Variants in MEI4 observed in about 807,000 individuals in gnomAD.
MEI4 encodes the protein meiotic double-stranded break formation protein 4.
MEI4 carries 27 observed loss-of-function variants against 31.4 expected under a neutral mutation model. That is an observed-to-expected ratio of 0.86 (90% confidence interval 0.63 to 1.19). The LOEUF (loss-of-function observed/expected upper bound fraction) is 1.19. Ranked by LOEUF, MEI4 falls within the 50% of genes most tolerant of loss-of-function variation. MEI4 has a pLI of 0.00. For missense variants in MEI4, 329 were observed against 398.9 expected (o/e 0.82, Z 1.49); for synonymous variants, 122 against 145.4 (o/e 0.84, Z 1.16).
chr6:77,902,347 C>T (rs1414907516), intron 4 of MEI4, among the ~76,000 whole-genome samples: 2 of 152,104 alleles, frequency 1.3e-5, no homozygotes, highest in Non-Finnish European at 2.9e-5. Flanking sequence ...GAACCACAGG[C>T]ATCTTTCTGT....
intron 2 of MEI4, among the ~76,000 whole-genome samples, chr6:77,743,386 G>T (rs184008185): frequency 8.5e-5 from 13 of 152,222 alleles, no homozygotes; most frequent in African/African-American, 2.6e-4. Context: ...TGAAGCAATT[G>T]TGAATTGGAG....
intron 2 of MEI4, among the ~76,000 whole-genome samples, chr6:77,697,422 C>G (rs933443694): frequency 2.0e-5 from 3 of 152,248 alleles, no homozygotes; most frequent in African/African-American, 7.2e-5. Flanking sequence ...AAATTTCCCT[C>G]TACACACTGC....
At position 77,926,100 on chromosome 6, in the gene MEI4, C is replaced by CTGT. The variant is rs1182648297; in HGVS notation, c.*2756_*2758dup. The CTGT allele has an allele frequency of 1.3e-5, 2 of 151,896 alleles. No individual in the cohort carries two copies. Among genetic ancestry groups the CTGT allele is most frequent in the African/African-American group, 4.8e-5 (2 of 41,390 alleles). 9.4% of individuals were successfully genotyped at this position (151,896 alleles called of 1,614,324 possible). A position where few individuals can be genotyped will look rare whatever the true frequency, so the allele number is the denominator to read the frequency against. On this transcript the variant is annotated 3_prime_UTR_variant, in exon 5 of 5. Coordinates refer to ENST00000684080, the MANE Select transcript of MEI4 (RefSeq NM_001322247.2). ...CCACACTCCTACTTTACTGCACTGCCTGTTATGTGCAGCTCTCCTGGCACT... is the reference window on the plus strand; with the variant it reads ...CCACACTCCTACTTTACTGCACTGCCTGTTGTTATGTGCAGCTCTCCTGGCACT...
At chr6:77,735,241 C>T (rs1433657749) in intron 2 of MEI4, among the ~76,000 whole-genome samples, 24 of 151,998 alleles carry the variant, frequency 1.6e-4, no homozygotes, top group Non-Finnish European at 2.9e-4. Context: ...TCCAACTTGG[C>T]TCCATTCTCC....
intron 4 of MEI4, among the ~76,000 whole-genome samples, chr6:77,898,283 A>T (rs979485469): frequency 6.6e-6 from 1 of 152,018 alleles, no homozygotes; most frequent in Non-Finnish European, 1.5e-5. Context: ...TCTACTAAAT[A>T]AAAAAGGATA....
chr6:77,889,017 C>G (rs1771692345), intron 4 of MEI4, among the ~76,000 whole-genome samples: 1 of 152,184 alleles, frequency 6.6e-6, no homozygotes, highest in Admixed American at 6.5e-5. Flanking sequence ...GAGGCCTCCT[C>G]AGCCCTGTAG....
At chr6:77,659,840 C>G (rs1302876089) in intron 1 of MEI4, among the ~76,000 whole-genome samples, 1 of 151,970 alleles carries the variant, frequency 6.6e-6, no homozygotes, top group East Asian at 1.9e-4. Flanking sequence ...GAAAGATTAC[C>G]CAGGGGAATT....
chr6:77,910,919 C>G lies in MEI4; in HGVS notation c.901-12170C>G, dbSNP rs559434125. Among the ~76,000 whole-genome samples the G allele has an allele frequency of 1.7e-3, 201 of 119,756 alleles. 1 individual carries two copies. The highest frequency in any genetic ancestry group is 5.6e-3 in the African/African-American group (175 of 31,164). The allele number at this position is 119,756 out of a possible 152,430, so 78.6% of individuals were successfully genotyped here. On this transcript the variant is annotated intron_variant, in intron 4 of 4. Coordinates refer to ENST00000684080, the MANE Select transcript of MEI4 (RefSeq NM_001322247.2). The stretch of plus-strand genomic sequence containing the variant: ...TCCTTTTTATCCACATTCTCACCAG[C>G]TTCTGGTTTTTTTTTTTTTTTTTGT...
chr6:77,794,261 A>G (rs993389087), intron 3 of MEI4, among the ~76,000 whole-genome samples: 6 of 152,108 alleles, frequency 3.9e-5, no homozygotes, highest in African/African-American at 1.4e-4. Context: ...ACAGTTGTTA[A>G]CATTTAATAA....
At chr6:77,736,529 C>T (rs892827300) in intron 2 of MEI4, among the ~76,000 whole-genome samples, 2 of 152,118 alleles carry the variant, frequency 1.3e-5, no homozygotes, top group Non-Finnish European at 2.9e-5. Context: ...CCTGCGCCCA[C>T]TGTCTGGCAC....
At chr6:77,915,017 A>G (rs1766513213) in intron 4 of MEI4, among the ~76,000 whole-genome samples, 1 of 151,998 alleles carries the variant, frequency 6.6e-6, no homozygotes, top group Non-Finnish European at 1.5e-5. Flanking sequence ...CAGCTGATCT[A>G]TATCTTTTAA....
intron 3 of MEI4, among the ~76,000 whole-genome samples, chr6:77,818,629 T>A (rs1769743944): frequency 6.6e-6 from 1 of 151,852 alleles, no homozygotes; most frequent in Non-Finnish European, 1.5e-5. Flanking sequence ...AAGTATTCTG[T>A]GTTATTATAT....
intron 3 of MEI4, among the ~76,000 whole-genome samples, chr6:77,828,492 A>G (rs1462052109): frequency 1.3e-5 from 2 of 152,056 alleles, no homozygotes; most frequent in Non-Finnish European, 2.9e-5. Context: ...TCATCTCAAA[A>G]TGATCCACCC....
rs1343221514 is a variant in MEI4 at position 77,733,059 on chromosome 6, G to A, written c.233-28071G>A. On this transcript the variant is annotated intron_variant, in intron 2 of 4. Transcript: ENST00000684080. ...TTTTATTGAGGATTTTTGCATCAAT[G>A]TTCATCAAGGATATTGATCTAAAAT... Among the ~76,000 whole-genome samples, 6 of 152,008 alleles carry A rather than the reference G, an allele frequency of 3.9e-5. No individual in the cohort carries two copies. In the South Asian group the frequency reaches 1.0e-3, roughly 26 times the overall value.
chr6:77,739,071 G>A (rs1767328568), intron 2 of MEI4, among the ~76,000 whole-genome samples: 1 of 152,064 alleles, frequency 6.6e-6, no homozygotes, highest in Non-Finnish European at 1.5e-5. Flanking sequence ...TTGCTGTCCA[G>A]CTCTTTAGTT....
At chr6:77,883,744 AACTTTGTCTTTGTC>A (rs1771556111) in intron 4 of MEI4, among the ~76,000 whole-genome samples, 2 of 124,972 alleles carry the variant, frequency 1.6e-5, no homozygotes, top group Non-Finnish European at 3.2e-5. Flanking sequence ...ATATATATAT[AACTTTGTCTTTGTC>A]TATTCATTTA....
intron 4 of MEI4, among the ~76,000 whole-genome samples, chr6:77,835,007 G>T (rs1770180095): frequency 6.6e-6 from 1 of 151,922 alleles, no homozygotes; most frequent in African/African-American, 2.4e-5. Flanking sequence ...AAACTTTCAG[G>T]CGTTCCAAGA....
intron 2 of MEI4, among the ~76,000 whole-genome samples, chr6:77,712,173 G>C (rs1035489704): frequency 6.6e-6 from 1 of 152,006 alleles, no homozygotes; most frequent in Non-Finnish European, 1.5e-5. Context: ...AGGGTACTTT[G>C]TTTGTTTGCA....
In MEI4 at chr6:77,878,904, C is replaced by T. The variant is rs576984716; in HGVS notation, c.901-44185C>T. Among the ~76,000 whole-genome samples the T allele has an allele frequency of 7.2e-5, 11 of 152,086 alleles. No homozygotes were observed. The South Asian group carries it at 2.3e-3, about 32-fold the overall frequency. On this transcript the variant is annotated intron_variant, in intron 4 of 4. Coordinates refer to ENST00000684080, the MANE Select transcript of MEI4 (RefSeq NM_001322247.2). ...CATGAAAATGCATATAGTATGGCAACGTATAGACAGTTACCGAAGGTGGAA... is the reference window on the plus strand; with the variant it reads ...CATGAAAATGCATATAGTATGGCAATGTATAGACAGTTACCGAAGGTGGAA...
Sources: gnomAD v4.1 joint callset for allele counts (sites outside exome capture counted in the v4.1 genomes callset) on GRCh38, gnomAD v4.1.1 for gene constraint, MANE v1.5 for transcripts, NCBI Gene and HGNC (gene_info 2026-07-23, HGNC 2026-07-21) for gene names.